NECAB1: variants seen among roughly 807,000 people sequenced by gnomAD.
NECAB1 encodes N-terminal EF-hand calcium binding protein 1.
A neutral mutation model predicts 57.5 loss-of-function variants in NECAB1; 29 were observed. The observed-to-expected ratio is 0.50, with a 90% CI of 0.38 to 0.69. NECAB1 has a LOEUF of 0.69. Ranked by LOEUF, NECAB1 falls within the 30% of genes least tolerant of loss-of-function variation. The probability of loss-of-function intolerance (pLI) is 0.00; values close to 1 mark genes in which losing one functional copy is unlikely to be tolerated. For synonymous variants in NECAB1, 142 were observed against 147.7 expected, an observed-to-expected ratio of 0.96 and a Z score of 0.28; for missense variants, 372 against 413.8, an observed-to-expected ratio of 0.90 and a Z score of 0.88.
At chr8:90,792,084 G>C in intron 1 of NECAB1, 99 bp downstream of exon 1, 1 of 939,524 alleles carries the variant, frequency 1.1e-6, no homozygotes, top group Non-Finnish European at 1.6e-6. Flanking sequence ...CCAATGCTTT[G>C]TCCCCAGAAC....
intron 4 of NECAB1, among the ~76,000 whole-genome samples, chr8:90,875,877 G>A (rs1430008657): frequency 1.4e-5 from 2 of 147,202 alleles, no homozygotes; most frequent in South Asian, 2.2e-4. Context: ...GGGCGTGGTG[G>A]CAGGCGCCTG....
intron 3 of NECAB1, among the ~76,000 whole-genome samples, chr8:90,859,691 C>T (rs1812860586): frequency 6.6e-6 from 1 of 151,888 alleles, no homozygotes. Context: ...ATTGGGAGGG[C>T]CAATTTCTAT....
intron 9 of NECAB1, among the ~76,000 whole-genome samples, chr8:90,939,689 C>A (rs1810623695): frequency 6.6e-6 from 1 of 152,198 alleles, no homozygotes. Context: ...TAGAAATTAA[C>A]CCTACTTAGT....
intron 1 of NECAB1, among the ~76,000 whole-genome samples, chr8:90,798,403 G>C (rs1811699882): frequency 6.6e-6 from 1 of 152,202 alleles, no homozygotes; most frequent in South Asian, 2.1e-4. Context: ...CACCCAGGTA[G>C]TGAGCATAAT....
At chr8:90,917,010 A>C (rs908119723) in intron 5 of NECAB1, among the ~76,000 whole-genome samples, 2 of 152,298 alleles carry the variant, frequency 1.3e-5, no homozygotes, top group East Asian at 3.9e-4. Flanking sequence ...TCTTCAGCAT[A>C]ATACGGATCA....
chr8:90,929,930 G>A (rs1004987556), intron 8 of NECAB1, among the ~76,000 whole-genome samples: 3 of 152,136 alleles, frequency 2.0e-5, no homozygotes, highest in African/African-American at 4.8e-5. Context: ...TGTATGGACC[G>A]AAGAGGGCCA....
At chr8:90,825,055 T>C (rs1812201426) in intron 3 of NECAB1, 3 of 301,878 alleles carry the variant, frequency 9.9e-6, no homozygotes, top group Non-Finnish European at 1.8e-5. Flanking sequence ...GTTTTTAGAT[T>C]GTTCCCACTT....
chr8:90,844,833 T>C (rs183708120), intron 3 of NECAB1, among the ~76,000 whole-genome samples: 4 of 152,328 alleles, frequency 2.6e-5, no homozygotes, highest in East Asian at 3.9e-4. Flanking sequence ...ACTTTTTTAA[T>C]TGAAAAGTTA....
At chr8:90,858,668 G>A (rs111566804) in intron 3 of NECAB1, among the ~76,000 whole-genome samples, 432 of 151,002 alleles carry the variant, frequency 2.9e-3, no homozygotes, top group African/African-American at 0.01. Flanking sequence ...AAGACCCCTG[G>A]AAGGGCCAAA....
intron 5 of NECAB1, among the ~76,000 whole-genome samples, chr8:90,914,585 G>GT (rs1217958291): frequency 1.3e-5 from 2 of 152,066 alleles, no homozygotes; most frequent in African/African-American, 2.4e-5. Flanking sequence ...TCAAAGAAAT[G>GT]TATCAACCAA....
At chr8:90,903,074 T>C (rs1809546225) in intron 5 of NECAB1, among the ~76,000 whole-genome samples, 1 of 152,052 alleles carries the variant, frequency 6.6e-6, no homozygotes, top group African/African-American at 2.4e-5. Flanking sequence ...GTATGTATTT[T>C]TATGTGCAAA....
chr8:90,824,764 G>T lies in NECAB1; in HGVS notation c.172G>T (p.Gly58Cys). The T allele has an allele frequency of 6.4e-7, 1 of 1,550,556 alleles. No homozygotes were observed. Residue 58 changes from glycine to cysteine, a missense_variant, in exon 3 of 13, where the codon GGT becomes TGT. Gly to Cys is a radical substitution (Grantham distance 159). Transcript: ENST00000417640. ...AGAATTCAAAGCATATTTTGCAGAT[G>T]GTGTTCTCAGTGGAGAAGAATTACA... ...FEEFKAYFAD[G>C]VLSGEELHEL...
chr8:90,818,825 C>A (rs1357678020), intron 2 of NECAB1, among the ~76,000 whole-genome samples: 2 of 151,920 alleles, frequency 1.3e-5, no homozygotes, highest in East Asian at 3.9e-4. Context: ...TGAAATATTT[C>A]TTTTGCCCTG....
At chr8:90,837,080 A>C (rs1462845404) in intron 3 of NECAB1, among the ~76,000 whole-genome samples, 1 of 152,260 alleles carries the variant, frequency 6.6e-6, no homozygotes, top group Non-Finnish European at 1.5e-5. Flanking sequence ...TACAAAAATT[A>C]AACTGTCAAA....
intron 3 of NECAB1, among the ~76,000 whole-genome samples, chr8:90,858,700 A>G (rs946206674): frequency 2.1e-4 from 32 of 151,852 alleles, no homozygotes; most frequent in African/African-American, 6.8e-4. Flanking sequence ...TCCGAAGAAT[A>G]TTGGGGCCAA....
intron 3 of NECAB1, among the ~76,000 whole-genome samples, chr8:90,851,996 C>T (rs1401380666): frequency 6.6e-6 from 1 of 152,056 alleles, no homozygotes; most frequent in Non-Finnish European, 1.5e-5. Flanking sequence ...TACACAGGCT[C>T]CAATGTCACC....
intron 3 of NECAB1, among the ~76,000 whole-genome samples, chr8:90,851,347 C>G (rs927609202): frequency 2.6e-5 from 4 of 152,142 alleles, no homozygotes; most frequent in Non-Finnish European, 4.4e-5. Context: ...CCGGACAGGA[C>G]AGAAGTTGTG....
chr8:90,809,045 A>G (rs1342890689), intron 2 of NECAB1, among the ~76,000 whole-genome samples: 1 of 152,096 alleles, frequency 6.6e-6, no homozygotes, highest in East Asian at 1.9e-4. Context: ...GTCCATGACC[A>G]CCTTACTAAG....
chr8:90,806,692 G>A (rs1191115212), intron 2 of NECAB1: 2 of 152,174 alleles, frequency 1.3e-5, no homozygotes, highest in African/African-American at 4.8e-5. Context: ...ATGACCTTGA[G>A]CAAGTTGTTC....
Sources: allele counts gnomAD v4.1 joint callset (sites outside exome capture counted in the v4.1 genomes callset), GRCh38; gene constraint gnomAD v4.1.1; transcripts MANE v1.5; gene names NCBI Gene and HGNC (gene_info 2026-07-23, HGNC 2026-07-21).